LONRF1: variants seen among roughly 807,000 people sequenced by gnomAD.
The protein encoded by LONRF1 is LON peptidase N-terminal domain and ring finger 1.
Under a neutral mutation model 85.8 loss-of-function variants are expected in LONRF1, and 37 were observed. The observed-to-expected ratio is 0.43, with a 90% confidence interval of 0.33 to 0.57. LONRF1 has a LOEUF of 0.57. LONRF1 is among the 20% of genes least tolerant of loss of function. LONRF1 has a pLI of 0.04. For synonymous variants in LONRF1, 517 were observed against 390.1 expected (o/e 1.33, Z -3.83); for missense variants, 1,036 against 978.0 (o/e 1.06, Z -0.79).
chr8:12,747,537 T>C (rs1268899248), intron 1 of LONRF1, among the ~76,000 whole-genome samples: 1 of 152,216 alleles, frequency 6.6e-6, no homozygotes, highest in African/African-American at 2.4e-5. Flanking sequence ...AATTGACTTT[T>C]ATTTGTGATT....
chr8:12,752,696 TA>T (rs1184739878), intron 1 of LONRF1, among the ~76,000 whole-genome samples: 1 of 152,210 alleles, frequency 6.6e-6, no homozygotes, highest in Non-Finnish European at 1.5e-5. Context: ...CTCTGTTAAC[TA>T]AAATATTATT....
chr8:12,754,805 G>T lies in LONRF1; in HGVS notation c.616C>A (p.Pro206Thr). The T allele has an allele frequency of 6.7e-7, 1 of 1,490,522 alleles. No individual in the cohort carries two copies. The highest frequency in any genetic ancestry group is 8.9e-7 in the Non-Finnish European group (1 of 1,126,694). 92.3% of individuals were successfully genotyped at this position (1,490,522 alleles called of 1,614,324 possible). The change falls in exon 1 of 12, where the codon CCG (proline) becomes ACG (threonine). Residue 206 changes from proline to threonine, a missense_variant. Coordinates refer to ENST00000398246, the MANE Select transcript of LONRF1 (RefSeq NM_152271.5). ...GCCCGGGCCCGCTCGCGCTGGCCCG[G>T]AAACCACTTCTCGGCCAGGTGGTTG... ...VLNHLAEKWFPGQRERARAAG... is the reference protein window; with the variant it reads ...VLNHLAEKWFTGQRERARAAG...
intron 1 of LONRF1, among the ~76,000 whole-genome samples, chr8:12,749,779 A>C (rs899298023): frequency 3.9e-5 from 6 of 152,314 alleles, no homozygotes; most frequent in African/African-American, 1.2e-4. Context: ...GAATCAAAGA[A>C]AATAATTAGA....
At chr8:12,745,631 G>C (rs1799121430) in intron 1 of LONRF1, among the ~76,000 whole-genome samples, 1 of 152,194 alleles carries the variant, frequency 6.6e-6, no homozygotes, top group East Asian at 1.9e-4. Context: ...ACGCCATCAG[G>C]GAAGATGCTG....
At position 12,723,175 on chromosome 8, in the gene LONRF1, A is replaced by G. The variant is rs1280453404; in HGVS notation, c.2243T>C (p.Leu748Ser). ...PVDPRYQLSV[L>S]SMKSLKERLT... ...CCGTTCTTTCAAAGACTTCATTGAC[A>G]AAACCGACAGCTGGTATCGTGGGTC... The change falls in exon 12 of 12, where the codon TTG (leucine) becomes TCG (serine). Residue 748 changes from leucine to serine, a missense_variant. Physicochemically the swap from Leu to Ser is moderately radical, Grantham distance 145. Transcript: ENST00000398246. 2 of 1,614,084 alleles carry G rather than the reference A, an allele frequency of 1.2e-6. No homozygotes were observed. The highest frequency in any genetic ancestry group is 1.7e-6 in the Non-Finnish European group (2 of 1,180,034).
intron 8 of LONRF1, among the ~76,000 whole-genome samples, chr8:12,729,904 A>C (rs979806138): frequency 1.5e-4 from 23 of 152,216 alleles, no homozygotes; most frequent in Non-Finnish European, 1.5e-5. Context: ...AGAAGGATAA[A>C]GGCAATGCCC....
intron 8 of LONRF1, among the ~76,000 whole-genome samples, chr8:12,730,517 C>G (rs753471798): frequency 6.6e-6 from 1 of 152,140 alleles, no homozygotes; most frequent in East Asian, 1.9e-4. Flanking sequence ...GCTGGACACC[C>G]TGTCGCTTCT....
At chr8:12,723,759 G>A (rs1478133834) in intron 11 of LONRF1, among the ~76,000 whole-genome samples, 2 of 152,174 alleles carry the variant, frequency 1.3e-5, no homozygotes, top group Non-Finnish European at 2.9e-5. Context: ...ACTTTCTTGA[G>A]CTATAGATTT....
chr8:12,736,642 C>G (rs564011958), intron 6 of LONRF1, 59 bp downstream of exon 6: 1 of 1,114,252 alleles, frequency 9.0e-7, no homozygotes, highest in African/African-American at 1.6e-5. Context: ...TTTATCTACA[C>G]GGTATTTTAT....
In LONRF1 at chr8:12,722,809, C is replaced by G. The variant is rs565233073; in HGVS notation, c.*287G>C. The G allele has an allele frequency of 3.6e-5, 9 of 247,606 alleles. No individual in the cohort carries two copies. The highest frequency in any genetic ancestry group is 1.8e-4 in the African/African-American group (8 of 44,992). The allele number at this position is 247,606 out of a possible 1,614,324, so 15.3% of individuals were successfully genotyped here. On this transcript the variant is annotated 3_prime_UTR_variant, in exon 12 of 12. Transcript: ENST00000398246. ...GCACACACACACACACACTCTCTCA[C>G]AGACATAAAGAGTTCTTATTTCATT...
At chr8:12,744,264 T>C (rs1230528707) in intron 1 of LONRF1, among the ~76,000 whole-genome samples, 1 of 152,200 alleles carries the variant, frequency 6.6e-6, no homozygotes, top group African/African-American at 2.4e-5. Flanking sequence ...TTCAAAACTC[T>C]CACTTGAGCA....
chr8:12,745,886 C>G (rs757891870), intron 1 of LONRF1, among the ~76,000 whole-genome samples: 1 of 152,182 alleles, frequency 6.6e-6, no homozygotes, highest in South Asian at 2.1e-4. Context: ...GAAGCAGGGA[C>G]AGATGTGCTA....
At position 12,755,085 on chromosome 8, in the gene LONRF1, G is replaced by A; in HGVS notation, c.336C>T (p.Gly112=). ...GGAGCCCGCCGGCGCCGCCGTCAGC[G>A]CCTGCAACCGGGGCCGCGCTCCAGC... ...GLGWSAAPVA[G]ADGGAGGLLR... The change falls in exon 1 of 12, where the codon GGC becomes GGT. Residue 112 remains glycine, a synonymous_variant. Coordinates refer to ENST00000398246, the MANE Select transcript of LONRF1 (RefSeq NM_152271.5). The A allele has an allele frequency of 1.4e-6, 2 of 1,471,410 alleles. No homozygotes were observed. The highest frequency in any genetic ancestry group is 1.3e-5 in the South Asian group (1 of 77,610). 91.1% of individuals were successfully genotyped at this position (1,471,410 alleles called of 1,614,324 possible).
In LONRF1 at chr8:12,722,904, T is replaced by C. The variant is rs1184081928; in HGVS notation, c.*192A>G. 1 of 534,060 alleles carries C rather than the reference T, an allele frequency of 1.9e-6. No homozygotes were observed. 33.1% of individuals were successfully genotyped at this position (534,060 alleles called of 1,614,324 possible). A position where few individuals can be genotyped will look rare whatever the true frequency, so the allele number is the denominator to read the frequency against. On this transcript the variant is annotated 3_prime_UTR_variant, in exon 12 of 12. Coordinates refer to ENST00000398246, the MANE Select transcript of LONRF1 (RefSeq NM_152271.5). ...CACACATTCAATGCGTGTTTTTCTG[T>C]GCAAGTTCTTAGTGGTCTAAATCCT...
At chr8:12,733,502 G>C (rs1798605548) in intron 7 of LONRF1, among the ~76,000 whole-genome samples, 2 of 152,266 alleles carry the variant, frequency 1.3e-5, no homozygotes, top group East Asian at 1.9e-4. Flanking sequence ...ACAGTCTGTA[G>C]ATAATTTTTC....
At chr8:12,728,837 T>C (rs1390614694) in intron 10 of LONRF1, 64 bp downstream of exon 10, 5 of 1,578,094 alleles carry the variant, frequency 3.2e-6, no homozygotes, top group Middle Eastern at 1.7e-4. Context: ...ATAGCCTGCA[T>C]GCCTGTACCA....
In LONRF1 at chr8:12,723,110, C is replaced by A; in HGVS notation, c.2308G>T (p.Asp770Tyr). ...CAAAGAGTTAGTTACTTAGATTGGT[C>A]TCTAGAAAAATAGGTCAGTATATGC... is the stretch of plus-strand genomic sequence containing the variant. ...IQHILTYFSR[D>Y]QSK Residue 770 changes from aspartate to tyrosine, a missense_variant, in exon 12 of 12, where the codon GAC becomes TAC. Physicochemically the swap from Asp to Tyr is radical, Grantham distance 160 (BLOSUM62 -3). Around this residue, in one of 3 missense-constraint regions of LONRF1, gnomAD observed 265 missense variants for 301.5 expected, o/e 0.88. Transcript: ENST00000398246. 6.2e-7 allele frequency: 1 copy of A among 1,611,376 alleles called. No individual in the cohort carries two copies. Among genetic ancestry groups the A allele is most frequent in the Non-Finnish European group, 8.5e-7 (1 of 1,178,926 alleles).
In LONRF1 at chr8:12,755,441, G is replaced by GCCGCCGC. The variant is rs1799607803; in HGVS notation, c.-28_-22dup. ...GACATGGCCCGCGGAGGGCTGCGCC[G>GCCGCCGC]CCGCCGCCCGCCGCCACGGTCCCGG... is the stretch of plus-strand genomic sequence containing the variant. On this transcript the variant is annotated 5_prime_UTR_variant, in exon 1 of 12. Coordinates refer to ENST00000398246, the MANE Select transcript of LONRF1 (RefSeq NM_152271.5). The GCCGCCGC allele has an allele frequency of 1.4e-5, 15 of 1,107,868 alleles. No homozygotes were observed. The highest frequency in any genetic ancestry group is 1.3e-4 in the South Asian group (3 of 23,270). 68.6% of individuals were successfully genotyped at this position (1,107,868 alleles called of 1,614,324 possible).
At chr8:12,727,564 T>C (rs1300278010) in intron 10 of LONRF1, among the ~76,000 whole-genome samples, 2 of 152,164 alleles carry the variant, frequency 1.3e-5, no homozygotes, top group Non-Finnish European at 2.9e-5. Context: ...TAGAATGTGA[T>C]TCTATTGCCT....
Sources: gnomAD v4.1 joint callset for allele counts (sites outside exome capture counted in the v4.1 genomes callset) on GRCh38, gnomAD v4.1.1 for gene constraint, gnomAD v4.1.1 regional missense constraint, MANE v1.5 for transcripts, NCBI Gene and HGNC (gene_info 2026-07-23, HGNC 2026-07-21) for gene names.